The following DRG2 variants were observed in gnomAD, a reference collection of about 807,000 sequenced individuals.
DRG2 encodes the protein developmentally regulated GTP binding protein 2.
DRG2 carries 36 observed loss-of-function variants against 53.4 expected under a neutral mutation model. The ratio of observed to expected loss-of-function variants is 0.67; its 90% CI spans 0.52 to 0.89. The LOEUF is 0.89. Ranked by LOEUF, DRG2 falls within the 40% of genes least tolerant of loss-of-function variation. The probability of loss-of-function intolerance (pLI) is 0.00; values close to 1 mark genes in which losing one functional copy is unlikely to be tolerated. For missense variants in DRG2, 342 were observed against 481.2 expected, an observed-to-expected ratio of 0.71 and a Z score of 2.71; for synonymous variants, 167 against 192.1, an observed-to-expected ratio of 0.87 and a Z score of 1.08.
Position 18,099,771 on chromosome 17 carries a change from A to AC in DRG2, c.467+48_467+49insC. 1 of 1,554,306 alleles carries AC rather than the reference A, an allele frequency of 6.4e-7. No individual in the cohort carries two copies. Among genetic ancestry groups the AC allele is most frequent in the Non-Finnish European group, 8.7e-7 (1 of 1,145,996 alleles). On this transcript the variant is annotated intron_variant, in intron 5 of 12. Coordinates refer to ENST00000225729, the MANE Select transcript of DRG2 (RefSeq NM_001388.5). This position sits in a 1 kb window ranked among gnomAD's most constrained non-coding sequence, Gnocchi z 4.4. Reference sequence around the variant, plus strand: ...CAGGCTCACATGTCTGGGGAGGGCCAATGTGTCCCTGAGCTCGTACTAGGC... The same window carrying AC: ...CAGGCTCACATGTCTGGGGAGGGCCACATGTGTCCCTGAGCTCGTACTAGGC...
At chr17:18,089,628 G>A (rs892462034) in intron 1 of DRG2, among the ~76,000 whole-genome samples, 1 of 152,208 alleles carries the variant, frequency 6.6e-6, no homozygotes, top group Non-Finnish European at 1.5e-5. Context: ...AGAATATTGG[G>A]GGTGGGGAGG....
chr17:18,104,959 A>G (rs1169238186), intron 11 of DRG2, among the ~76,000 whole-genome samples: 2 of 152,190 alleles, frequency 1.3e-5, no homozygotes, highest in Non-Finnish European at 2.9e-5. Context: ...TAGGGCACTC[A>G]GCATGCTGCC....
chr17:18,089,744 A>G (rs1332602393), intron 1 of DRG2, among the ~76,000 whole-genome samples: 4 of 152,178 alleles, frequency 2.6e-5, no homozygotes, highest in African/African-American at 9.6e-5. Flanking sequence ...TCACGCAAAC[A>G]TCTGGGGGAA....
intron 2 of DRG2, among the ~76,000 whole-genome samples, chr17:18,095,155 G>A (rs1045918676): frequency 2.0e-5 from 3 of 150,652 alleles, no homozygotes; most frequent in African/African-American, 7.3e-5. Context: ...GGGATTACAG[G>A]CATCCGCCAC....
chr17:18,102,716 C>T (rs2045562647), intron 9 of DRG2, among the ~76,000 whole-genome samples: 1 of 151,850 alleles, frequency 6.6e-6, no homozygotes, highest in Admixed American at 6.6e-5. Flanking sequence ...TCCTGGTGCT[C>T]TGGAAGGTGT....
At chr17:18,105,207 G>A (rs2045607739) in intron 11 of DRG2, among the ~76,000 whole-genome samples, 1 of 152,162 alleles carries the variant, frequency 6.6e-6, no homozygotes, top group South Asian at 2.1e-4. Context: ...GGGAGCAAGA[G>A]GCTGCCTTTC....
rs2045592153 is a variant in DRG2 at position 18,104,460 on chromosome 17, T to C, written c.896-163T>C. On this transcript the variant is annotated intron_variant, in intron 10 of 12. Coordinates refer to ENST00000225729, the MANE Select transcript of DRG2 (RefSeq NM_001388.5). ...TTAAGATCAAGGTCGTAGAAGATGG[T>C]ACAGGGATCTATGTGGAGGGTGTGC... 7.1e-6 allele frequency: 10 copies of C among 1,418,402 alleles called. No individual in the cohort carries two copies. In the South Asian group the frequency reaches 1.4e-4, roughly 20 times the overall value. The allele number at this position is 1,418,402 out of a possible 1,614,324, so 87.9% of individuals were successfully genotyped here.
rs754595079 is a variant in DRG2, at chr17:18,100,603, C to T, written c.575C>T (p.Thr192Ile). The T allele has an allele frequency of 6.2e-7, 1 of 1,614,222 alleles. No individual in the cohort carries two copies. Among genetic ancestry groups the T allele is most frequent in the African/African-American group, 1.3e-5 (1 of 75,060 alleles). The part of the protein sequence containing the change: ...KKGGGISFNS[T>I]VTLTQCSEKL... ...GGTGGTGGCATCTCCTTTAACTCGACAGTCACGCTGACCCAGTGCTCGGAA... is the reference window on the plus strand; with the variant it reads ...GGTGGTGGCATCTCCTTTAACTCGATAGTCACGCTGACCCAGTGCTCGGAA... Residue 192 changes from threonine to isoleucine, a missense_variant, in exon 7 of 13, where the codon ACA becomes ATA. Coordinates refer to ENST00000225729, the MANE Select transcript of DRG2 (RefSeq NM_001388.5). The surrounding 1 kb of genome is among the most constrained non-coding windows in gnomAD (Gnocchi z 4.1).
In DRG2 at chr17:18,098,368, G is replaced by T. The variant is rs112456807; in HGVS notation, c.315+9G>T. On this transcript the variant is annotated intron_variant, in intron 3 of 12. Transcript: ENST00000225729. This position sits in a 1 kb window ranked among gnomAD's most constrained non-coding sequence, Gnocchi z 4.1. ...TTCCTGGGGTCATTGAAGTAAGTGG[G>T]TGTGCTGGGCCCAGAAGGAGAAGGG... 198 of 1,612,680 alleles carry T rather than the reference G, an allele frequency of 1.2e-4. 3 individuals carry two copies. The African/African-American group carries it at 2.1e-3, about 17-fold the overall frequency.
Position 18,100,226 on chromosome 17 carries a change from T to C in DRG2, c.468-137T>C. The C allele has an allele frequency of 1.2e-6, 1 of 853,510 alleles. No individual in the cohort carries two copies. Among genetic ancestry groups the C allele is most frequent in the Non-Finnish European group, 2.0e-6 (1 of 512,230 alleles). 52.9% of individuals were successfully genotyped at this position (853,510 alleles called of 1,614,324 possible). On this transcript the variant is annotated intron_variant, in intron 5 of 12. Coordinates refer to ENST00000225729, the MANE Select transcript of DRG2 (RefSeq NM_001388.5). The surrounding 1 kb of genome is among the most constrained non-coding windows in gnomAD (Gnocchi z 4.1). ...GCAGCTCTAGGGCATTGGGAAGGAG[T>C]GTTCTCTGGGTTGCTGGGGAAGGGG...
intron 1 of DRG2, among the ~76,000 whole-genome samples, chr17:18,089,955 A>G (rs80054784): frequency 0.012 from 1,831 of 151,970 alleles, 34 homozygotes; most frequent in African/African-American, 0.042. Context: ...TAAGCAGGGG[A>G]GGGGCTATTC....
At position 18,099,468 on chromosome 17, in the gene DRG2, AGTCTCC is replaced by A. The variant is rs2045489720; in HGVS notation, c.377-161_377-156del. On this transcript the variant is annotated intron_variant, in intron 4 of 12. Coordinates refer to ENST00000225729, the MANE Select transcript of DRG2 (RefSeq NM_001388.5). The surrounding 1 kb of genome is among the most constrained non-coding windows in gnomAD (Gnocchi z 4.4). ...TGGTGTCGGATTTTCTTCTGAAATA[AGTCTCC>A]GTCAGTAAAACATGTGGATTAAAGA... 1.7e-5 allele frequency: 12 copies of A among 721,762 alleles called. No individual in the cohort carries two copies. The South Asian group carries it at 2.0e-4, about 12-fold the overall frequency. The allele number at this position is 721,762 out of a possible 1,614,324, so 44.7% of individuals were successfully genotyped here. A position where few individuals can be genotyped will look rare whatever the true frequency, so the allele number is the denominator to read the frequency against.
Position 18,105,143 on chromosome 17 carries a change from TCC to T in DRG2, c.954+464_954+465del, listed in dbSNP as rs61035012. 7.7e-3 allele frequency among the ~76,000 whole-genome samples: 1,168 copies of T among 152,182 alleles called. 13 individuals are homozygous for T. Among genetic ancestry groups the T allele is most frequent in the African/African-American group, 0.027 (1,118 of 41,534 alleles). ...CAGTGAAGAGTTGGGGTGGGGAGCA[TCC>T]CAGGTAGGGGAGCAGGCATGCACAG... On this transcript the variant is annotated intron_variant, in intron 11 of 12. Transcript: ENST00000225729.
intron 1 of DRG2, among the ~76,000 whole-genome samples, chr17:18,092,695 T>G (rs796796127): frequency 2.6e-5 from 4 of 152,324 alleles, no homozygotes; most frequent in African/African-American, 9.6e-5. Flanking sequence ...GAAAGTAATT[T>G]ATAATGAAAA....
At chr17:18,097,135 A>G (rs2045447672) in intron 2 of DRG2, 1 of 152,168 alleles carries the variant, frequency 6.6e-6, no homozygotes, top group Admixed American at 6.5e-5. Flanking sequence ...AGAATCAGGG[A>G]GTGGCCCCGA....
chr17:18,098,321 G>T lies in DRG2; in HGVS notation c.277G>T (p.Glu93Ter). 6.2e-7 allele frequency: 1 copy of T among 1,614,062 alleles called. No individual in the cohort carries two copies. Among genetic ancestry groups the T allele is most frequent in the Non-Finnish European group, 8.5e-7 (1 of 1,179,948 alleles). The change falls in exon 3 of 13, where the codon GAG (glutamate) becomes TAG (stop). Residue 93 changes from glutamate (E) to a stop codon, truncating the protein, a stop_gained. Coordinates refer to ENST00000225729, the MANE Select transcript of DRG2 (RefSeq NM_001388.5). LOFTEE classifies it high-confidence loss of function. The surrounding 1 kb of genome is among the most constrained non-coding windows in gnomAD (Gnocchi z 4.1). ...CACGGCCAGCGAGGCAGCGTCCTATGAGTTCACCACTCTGACGTGTATTCC... is the reference window on the plus strand; with the variant it reads ...CACGGCCAGCGAGGCAGCGTCCTATTAGTTCACCACTCTGACGTGTATTCC... ...TSTASEAASY[E>*]FTTLTCIPGV... is the part of the protein sequence containing the mutation.
chr17:18,097,062 C>G (rs1164563340), intron 2 of DRG2: 1 of 152,232 alleles, frequency 6.6e-6, no homozygotes, highest in African/African-American at 2.4e-5. Flanking sequence ...CAGATCCCAC[C>G]TGCCTTATTG....
At position 18,103,907 on chromosome 17, in the gene DRG2, T is replaced by C. The variant is rs1386163639; in HGVS notation, c.895+18T>C. 1.9e-6 allele frequency: 3 copies of C among 1,612,502 alleles called. No homozygotes were observed. In the African/African-American group the frequency reaches 4.0e-5, roughly 22 times the overall value. On this transcript the variant is annotated intron_variant, in intron 10 of 12. Transcript: ENST00000225729. The surrounding 1 kb of genome is among the most constrained non-coding windows in gnomAD (Gnocchi z 4.4). The stretch of plus-strand genomic sequence containing the variant: ...GAGAGGACGTGAGTTGCACTGCGCG[T>C]AGCTGAAAAACAGGCTGAGCTTCAT...
intron 1 of DRG2, among the ~76,000 whole-genome samples, 160 bp downstream of exon 1, chr17:18,088,247 C>G (rs2045251124): frequency 6.6e-6 from 1 of 152,250 alleles, no homozygotes; most frequent in Non-Finnish European, 1.5e-5. Context: ...AAGGCAGGGC[C>G]AGGCGGGAGC....
Sources: allele counts gnomAD v4.1 joint callset (sites outside exome capture counted in the v4.1 genomes callset), GRCh38; gene constraint gnomAD v4.1.1; non-coding constraint Gnocchi (gnomAD v3.1); transcripts MANE v1.5; gene names NCBI Gene and HGNC (gene_info 2026-07-23, HGNC 2026-07-21).